The following ASB13 variants were observed in gnomAD, a reference collection of about 807,000 sequenced individuals.
ASB13 encodes ankyrin repeat and SOCS box protein 13.
ASB13 carries 33 observed loss-of-function variants against 28.8 expected under a neutral mutation model. The ratio of observed to expected loss-of-function variants is 1.15; its 90% CI spans 0.87 to 1.53. ASB13 has a LOEUF of 1.53. Among genes scored for constraint, ASB13 ranks in the 40% most tolerant of loss-of-function variants. ASB13 has a pLI of 0.00. For synonymous variants in ASB13, 182 were observed against 172.9 expected (o/e 1.05, Z -0.41); for missense variants, 414 against 390.1 (o/e 1.06, Z -0.52).
chr10:5,666,262 G>C (rs1463918156), intron 1 of ASB13, among the ~76,000 whole-genome samples: 1 of 151,978 alleles, frequency 6.6e-6, no homozygotes, highest in African/African-American at 2.4e-5. Flanking sequence ...CACACCTGGC[G>C]AGCCGCACGG....
chr10:5,666,404 C>A (rs958112169), intron 1 of ASB13, 105 bp downstream of exon 1: 8 of 1,039,924 alleles, frequency 7.7e-6, no homozygotes, highest in African/African-American at 6.8e-5. Context: ...ACGGAGCCAG[C>A]GCGGGGCGCG....
chr10:5,640,873 A>G (rs773251732), intron 5 of ASB13, 43 bp from the exon 6 acceptor site: 1 of 1,608,454 alleles, frequency 6.2e-7, no homozygotes, highest in Admixed American at 1.7e-5. Flanking sequence ...AATTTCAGGA[A>G]GAAGCACAAC....
rs993698573 is a variant in ASB13 at position 5,660,373 on chromosome 10, C to T, written c.43+6136G>A. 3.3e-5 allele frequency among the ~76,000 whole-genome samples: 5 copies of T among 152,144 alleles called. No homozygotes were observed. In the East Asian group the frequency reaches 5.8e-4, roughly 18 times the overall value. On this transcript the variant is annotated intron_variant, in intron 1 of 5. Transcript: ENST00000357700. This position sits in a 1 kb window ranked among gnomAD's most constrained non-coding sequence, Gnocchi z 6.1. ...CTCTCTTGCCCCTTTGCTGGGGCCC[C>T]GACACCCTCCCATCTAAGGCTGTGC...
At position 5,639,805 on chromosome 10, in the gene ASB13, GAA is replaced by G. The variant is rs373433024; in HGVS notation, c.*896_*897del. On this transcript the variant is annotated 3_prime_UTR_variant, in exon 6 of 6. Transcript: ENST00000357700. ...TCATTTGACAACCATAGAAACAGAT[GAA>G]AAACAATTCCCACAGAGTCTCCAAA... The G allele has an allele frequency of 7.2e-3, 60 of 8,286 alleles. No individual in the cohort carries two copies. The highest frequency in any genetic ancestry group is 0.05 in the Middle Eastern group (1 of 20). 0.5% of individuals were successfully genotyped at this position (8,286 alleles called of 1,614,324 possible). A position where few individuals can be genotyped will look rare whatever the true frequency, so the allele number is the denominator to read the frequency against.
At chr10:5,665,526 T>A (rs889189617) in intron 1 of ASB13, among the ~76,000 whole-genome samples, 2 of 152,254 alleles carry the variant, frequency 1.3e-5, no homozygotes, top group African/African-American at 4.8e-5. Context: ...AATAAGCTTC[T>A]GCCGTTAGCT....
rs751016430 is a variant in ASB13 at position 5,642,189 on chromosome 10, G to T, written c.518-228C>A. ...GATAAAGGTAGGCAGCAATAATAAAGAAATAACTAGAAATAGAACCGAAAA... is the reference window on the plus strand; with the variant it reads ...GATAAAGGTAGGCAGCAATAATAAATAAATAACTAGAAATAGAACCGAAAA... On this transcript the variant is annotated intron_variant, in intron 4 of 5. Coordinates refer to ENST00000357700, the MANE Select transcript of ASB13 (RefSeq NM_024701.4). The surrounding 1 kb of genome is among the most constrained non-coding windows in gnomAD (Gnocchi z 4.1). 6.6e-6 allele frequency among the ~76,000 whole-genome samples: 1 copy of T among 152,110 alleles called. No homozygotes were observed. Among genetic ancestry groups the T allele is most frequent in the African/African-American group, 2.4e-5 (1 of 41,414 alleles).
Position 5,652,998 on chromosome 10 carries a change from G to A in ASB13, c.96C>T (p.Ser32=). Residue 32 remains serine, a synonymous_variant, in exon 2 of 6, where the codon AGC becomes AGT. Coordinates refer to ENST00000357700, the MANE Select transcript of ASB13 (RefSeq NM_024701.4). The surrounding 1 kb of genome is among the most constrained non-coding windows in gnomAD (Gnocchi z 5.0). Reference sequence around the variant, plus strand: ...TCTCGATCAGCTGTTGCAGCTGCAGGCTCTCACCCCGCTGGGCTGCCTCGT... The same window carrying A: ...TCTCGATCAGCTGTTGCAGCTGCAGACTCTCACCCCGCTGGGCTGCCTCGT... ...PVHEAAQRGE[S]LQLQQLIESG... is the part of the protein sequence containing the mutation. The A allele has an allele frequency of 6.4e-7, 1 of 1,552,968 alleles. No individual in the cohort carries two copies. Among genetic ancestry groups the A allele is most frequent in the Non-Finnish European group, 8.7e-7 (1 of 1,147,808 alleles).
Position 5,642,329 on chromosome 10 carries a change from T to A in ASB13, c.518-368A>T. On this transcript the variant is annotated intron_variant, in intron 4 of 5. Transcript: ENST00000357700. The surrounding 1 kb of genome is among the most constrained non-coding windows in gnomAD (Gnocchi z 4.1). Reference sequence around the variant, plus strand: ...GCTCAAACCAGAGCCACTCAAGCACTCCCGCCTGGCCTCCAGCACAGACAC... The same window carrying A: ...GCTCAAACCAGAGCCACTCAAGCACACCCGCCTGGCCTCCAGCACAGACAC... The A allele has an allele frequency of 2.8e-6, 1 of 357,434 alleles. No individual in the cohort carries two copies. The highest frequency in any genetic ancestry group is 4.6e-6 in the Non-Finnish European group (1 of 218,874). 22.1% of individuals were successfully genotyped at this position (357,434 alleles called of 1,614,324 possible). A position where few individuals can be genotyped will look rare whatever the true frequency, so the allele number is the denominator to read the frequency against.
chr10:5,661,788 AG>A lies in ASB13; in HGVS notation c.43+4720del, dbSNP rs1835171018. Among the ~76,000 whole-genome samples, 1 of 152,192 alleles carries A rather than the reference AG, an allele frequency of 6.6e-6. No individual in the cohort carries two copies. The highest frequency in any genetic ancestry group is 1.5e-5 in the Non-Finnish European group (1 of 68,036). ...TGCTGGGATTACAGGCATGAGCCCC[AG>A]GCCCAGCCCAGAATGCACTCTTAAA... On this transcript the variant is annotated intron_variant, in intron 1 of 5. Transcript: ENST00000357700. The surrounding 1 kb of genome is among the most constrained non-coding windows in gnomAD (Gnocchi z 4.9).
Position 5,645,548 on chromosome 10 carries a change from G to A in ASB13, c.517+3422C>T, listed in dbSNP as rs1178535179. Among the ~76,000 whole-genome samples, 3 of 152,108 alleles carry A rather than the reference G, an allele frequency of 2.0e-5. No homozygotes were observed. The highest frequency in any genetic ancestry group is 7.2e-5 in the African/African-American group (3 of 41,410). ...AAAGAACAAGAACAACGGTCTCCAC[G>A]TCCCCCGTGGGGTGCAACGTGGCTC... On this transcript the variant is annotated intron_variant, in intron 4 of 5. Transcript: ENST00000357700. This position sits in a 1 kb window ranked among gnomAD's most constrained non-coding sequence, Gnocchi z 5.4.
chr10:5,646,278 C>T (rs759762147), intron 4 of ASB13, among the ~76,000 whole-genome samples: 3 of 152,148 alleles, frequency 2.0e-5, no homozygotes, highest in Non-Finnish European at 4.4e-5. Flanking sequence ...TCAGCTCCAG[C>T]GTGGGTCCCG....
chr10:5,639,461 A>T lies in ASB13; in HGVS notation c.*1242T>A, dbSNP rs1393130917. ...ACCTCAGATGCCCCAGAAACCACTC[A>T]TCCCTGAACTAATCATGCAAAGTCC... On this transcript the variant is annotated 3_prime_UTR_variant, in exon 6 of 6. Transcript: ENST00000357700. The T allele has an allele frequency of 6.6e-6, 1 of 152,254 alleles. No individual in the cohort carries two copies. Among genetic ancestry groups the T allele is most frequent in the Non-Finnish European group, 1.5e-5 (1 of 68,056 alleles). The allele number at this position is 152,254 out of a possible 1,614,324, so 9.4% of individuals were successfully genotyped here.
At chr10:5,648,872 G>T in intron 4 of ASB13, 98 bp downstream of exon 4, 1 of 1,542,002 alleles carries the variant, frequency 6.5e-7, no homozygotes, top group South Asian at 1.2e-5. Context: ...ACACCCACTC[G>T]GGCAAACACC....
At chr10:5,643,673 C>G (rs1308648912) in intron 4 of ASB13, among the ~76,000 whole-genome samples, 1 of 152,218 alleles carries the variant, frequency 6.6e-6, no homozygotes, top group Admixed American at 6.5e-5. Flanking sequence ...GCAATCATAA[C>G]ACGAAGTAAA....
chr10:5,662,542 A>G (rs945053515), intron 1 of ASB13, among the ~76,000 whole-genome samples: 367 of 11,588 alleles, frequency 0.032, 6 homozygotes, highest in Middle Eastern at 0.21. Flanking sequence ...AGGGGGGGGG[A>G]GGGGAGGGGA....
rs1027845792 is a variant in ASB13, at chr10:5,649,680, C to T, written c.383-576G>A. 1.3e-5 allele frequency among the ~76,000 whole-genome samples: 2 copies of T among 151,960 alleles called. No individual in the cohort carries two copies. Among genetic ancestry groups the T allele is most frequent in the African/African-American group, 2.4e-5 (1 of 41,370 alleles). ...AGCTGGAATTACAGGCATGCACCAC[C>T]GTGCCCGACTAATTTTTTTGTATTT... On this transcript the variant is annotated intron_variant, in intron 3 of 5. Transcript: ENST00000357700. This position sits in a 1 kb window ranked among gnomAD's most constrained non-coding sequence, Gnocchi z 6.4.
rs550792964 is a variant in ASB13 at position 5,654,354 on chromosome 10, G to A, written c.44-1304C>T. On this transcript the variant is annotated intron_variant, in intron 1 of 5. Transcript: ENST00000357700. ...CTGGATGTGAACTTGGACCTGCTGA[G>A]CCATCTGGCTACCTGCCTGAAGACA... Among the ~76,000 whole-genome samples, 6 of 152,114 alleles carry A rather than the reference G, an allele frequency of 3.9e-5. No individual in the cohort carries two copies. In the East Asian group the frequency reaches 1.2e-3, roughly 30 times the overall value.
rs561219508 is a variant in ASB13, at chr10:5,644,818, A to G, written c.518-2857T>C. Among the ~76,000 whole-genome samples the G allele has an allele frequency of 6.6e-6, 1 of 152,198 alleles. No individual in the cohort carries two copies. Among genetic ancestry groups the G allele is most frequent in the East Asian group, 1.9e-4 (1 of 5,188 alleles). On this transcript the variant is annotated intron_variant, in intron 4 of 5. Coordinates refer to ENST00000357700, the MANE Select transcript of ASB13 (RefSeq NM_024701.4). This position sits in a 1 kb window ranked among gnomAD's most constrained non-coding sequence, Gnocchi z 5.1. ...GGGTGACAGAACGAGACTCCATCTCAGAAAAAAAAGAAAGAAAGAAGGGAA... is the reference window on the plus strand; with the variant it reads ...GGGTGACAGAACGAGACTCCATCTCGGAAAAAAAAGAAAGAAAGAAGGGAA...
Position 5,642,455 on chromosome 10 carries a change from G to A in ASB13, c.518-494C>T. The A allele has an allele frequency of 8.7e-7, 1 of 1,150,592 alleles. No individual in the cohort carries two copies. 71.3% of individuals were successfully genotyped at this position (1,150,592 alleles called of 1,614,324 possible). ...TAACAATGCATATTCTTTTACAAAA[G>A]GAAAACAGATAACGTACCCAAAACA... On this transcript the variant is annotated intron_variant, in intron 4 of 5. Transcript: ENST00000357700. This position sits in a 1 kb window ranked among gnomAD's most constrained non-coding sequence, Gnocchi z 4.1.
Sources: allele counts gnomAD v4.1 joint callset (sites outside exome capture counted in the v4.1 genomes callset), GRCh38; gene constraint gnomAD v4.1.1; non-coding constraint Gnocchi (gnomAD v3.1); transcripts MANE v1.5; gene names NCBI Gene and HGNC (gene_info 2026-07-23, HGNC 2026-07-21).